RAPGEF1: variants seen among roughly 807,000 people sequenced by gnomAD.
The protein encoded by RAPGEF1 is CRK SH3-binding GNRP.
In RAPGEF1, 33 loss-of-function variants were observed where a neutral mutation model predicts 143.3. The observed-to-expected ratio is 0.23, with a 90% confidence interval of 0.17 to 0.31. The LOEUF is 0.31. Among genes scored for constraint, RAPGEF1 ranks in the 10% least tolerant of loss-of-function variants. The pLI, the probability that RAPGEF1 is intolerant of heterozygous loss-of-function variation, is 1.00. For missense variants in RAPGEF1, 1,199 were observed against 1,645.4 expected, an observed-to-expected ratio of 0.73 and a Z score of 4.69; for synonymous variants, 629 against 676.5, an observed-to-expected ratio of 0.93 and a Z score of 1.09.
chr9:131,626,543 G>C, intron 9 of RAPGEF1, 121 bp from the exon 10 acceptor site: 1 of 974,194 alleles, frequency 1.0e-6, no homozygotes, highest in Non-Finnish European at 1.5e-6. Context: ...CTGTCTCCAG[G>C]GCTTATTTTA....
intron 1 of RAPGEF1, among the ~76,000 whole-genome samples, chr9:131,726,088 G>C (rs1032866991): frequency 6.6e-6 from 1 of 151,964 alleles, no homozygotes; most frequent in Non-Finnish European, 1.5e-5. Context: ...TTGGTCCTGT[G>C]CCATCTTTGT....
chr9:131,590,689 G>A (rs1048254632), intron 18 of RAPGEF1, among the ~76,000 whole-genome samples: 5 of 152,228 alleles, frequency 3.3e-5, no homozygotes, highest in African/African-American at 1.2e-4. Flanking sequence ...GACCTTCCAA[G>A]TCATGGGGCT....
At chr9:131,648,227 TA>T (rs1221383184) in intron 3 of RAPGEF1, among the ~76,000 whole-genome samples, 2 of 151,866 alleles carry the variant, frequency 1.3e-5, no homozygotes, top group Admixed American at 6.6e-5. Flanking sequence ...CCATCTCTAC[TA>T]AAAAATACAA....
At chr9:131,731,792 G>A (rs889747412) in intron 1 of RAPGEF1, among the ~76,000 whole-genome samples, 1 of 152,198 alleles carries the variant, frequency 6.6e-6, no homozygotes, top group Admixed American at 6.5e-5. Context: ...ATGCAGTAAA[G>A]TCACTGTGTG....
chr9:131,670,373 C>T (rs931301364), intron 1 of RAPGEF1, among the ~76,000 whole-genome samples: 1 of 152,198 alleles, frequency 6.6e-6, no homozygotes, highest in Admixed American at 6.5e-5. Context: ...TGTCCCCACC[C>T]TCGCTTCTGA....
chr9:131,729,646 T>C lies in RAPGEF1; in HGVS notation c.61+10124A>G, dbSNP rs539442201. 3.9e-4 allele frequency among the ~76,000 whole-genome samples: 60 copies of C among 152,192 alleles called. No homozygotes were observed. In the East Asian group the frequency reaches 9.5e-3, roughly 24 times the overall value. ...CTAGACCCCAGGAAGGGGAGAGAAG[T>C]GAAACTCCAGTTCTCAGCAATACAC... On this transcript the variant is annotated intron_variant, in intron 1 of 26. Coordinates refer to ENST00000683357, the MANE Select transcript of RAPGEF1 (RefSeq NM_001377935.1).
chr9:131,721,806 C>T (rs1258013769), intron 1 of RAPGEF1, among the ~76,000 whole-genome samples: 1 of 152,090 alleles, frequency 6.6e-6, no homozygotes, highest in Non-Finnish European at 1.5e-5. Flanking sequence ...ATTTATATAG[C>T]ATTTCCACTG....
At position 131,587,929 on chromosome 9, in the gene RAPGEF1, G is replaced by A. The variant is rs773221718; in HGVS notation, c.3138+13C>T. 4.4e-6 allele frequency: 7 copies of A among 1,607,220 alleles called. No homozygotes were observed. The highest frequency in any genetic ancestry group is 3.4e-5 in the Admixed American group (2 of 58,978). On this transcript the variant is annotated intron_variant, in intron 21 of 26. Coordinates refer to ENST00000683357, the MANE Select transcript of RAPGEF1 (RefSeq NM_001377935.1). The stretch of plus-strand genomic sequence containing the variant: ...CAAACAGTGTGGCTCCCCCTGGCAG[G>A]AGCAGCCTGTACCTCTATTTTATAG...
chr9:131,593,906 C>A (rs188069193), intron 17 of RAPGEF1, among the ~76,000 whole-genome samples: 2 of 152,230 alleles, frequency 1.3e-5, no homozygotes, highest in Non-Finnish European at 2.9e-5. Context: ...CTGGCCTTTG[C>A]GGGTGCATCA....
At chr9:131,624,473 C>G (rs1480097636) in intron 10 of RAPGEF1, among the ~76,000 whole-genome samples, 3 of 152,222 alleles carry the variant, frequency 2.0e-5, no homozygotes, top group African/African-American at 7.2e-5. Flanking sequence ...CCCTCCCTTT[C>G]CTTCTCCCCT....
At chr9:131,671,232 G>A (rs1410333598) in intron 1 of RAPGEF1, among the ~76,000 whole-genome samples, 1 of 152,190 alleles carries the variant, frequency 6.6e-6, no homozygotes, top group Non-Finnish European at 1.5e-5. Flanking sequence ...AAGTCTCCTG[G>A]AATTGAAGTT....
At position 131,628,386 on chromosome 9, in the gene RAPGEF1, A is replaced by T. The variant is rs540572371; in HGVS notation, c.1017+163T>A. On this transcript the variant is annotated intron_variant, in intron 8 of 26. Transcript: ENST00000683357. The surrounding 1 kb of genome is among the most constrained non-coding windows in gnomAD (Gnocchi z 5.7). ...CCCTTATCCCCATATGGGAACTTGG[A>T]CCGTGTCCTGGAGAGAGAGGGATGG... 1.1e-4 allele frequency among the ~76,000 whole-genome samples: 17 copies of T among 152,212 alleles called. No homozygotes were observed. The South Asian group carries it at 3.3e-3, about 30-fold the overall frequency.
intron 10 of RAPGEF1, among the ~76,000 whole-genome samples, chr9:131,625,216 G>T (rs140600867): frequency 6.6e-6 from 1 of 152,342 alleles, no homozygotes; most frequent in Non-Finnish European, 1.5e-5. Flanking sequence ...TGCTAGTGAA[G>T]CAGGGAGAGG....
At chr9:131,580,435 G>C in intron 25 of RAPGEF1, 44 bp from the exon 26 acceptor site, 1 of 1,598,628 alleles carries the variant, frequency 6.3e-7, no homozygotes. Flanking sequence ...ACGGGGTTTG[G>C]AAGCAGCAAG....
chr9:131,633,364 T>C (rs939311679), intron 5 of RAPGEF1, among the ~76,000 whole-genome samples: 8 of 152,140 alleles, frequency 5.3e-5, no homozygotes, highest in Admixed American at 5.2e-4. Context: ...AAGAGGAGCA[T>C]CACGGCCTTA....
chr9:131,650,282 T>C lies in RAPGEF1; in HGVS notation c.202-40A>G. The C allele has an allele frequency of 6.6e-7, 1 of 1,518,030 alleles. No individual in the cohort carries two copies. The highest frequency in any genetic ancestry group is 9.1e-7 in the Non-Finnish European group (1 of 1,101,260). 94.0% of individuals were successfully genotyped at this position (1,518,030 alleles called of 1,614,324 possible). On this transcript the variant is annotated intron_variant, in intron 2 of 26. Coordinates refer to ENST00000683357, the MANE Select transcript of RAPGEF1 (RefSeq NM_001377935.1). This position sits in a 1 kb window ranked among gnomAD's most constrained non-coding sequence, Gnocchi z 4.7. ...ACCTGGATTCCTACAGAGTTTGAAA[T>C]GGCTGTTTGAGGCCGAAGGGAGGGG...
intron 3 of RAPGEF1, among the ~76,000 whole-genome samples, chr9:131,644,092 G>T (rs1968842923): frequency 6.6e-6 from 1 of 152,234 alleles, no homozygotes; most frequent in South Asian, 2.1e-4. Flanking sequence ...CATGCAGTGG[G>T]CGCTAGCAGC....
chr9:131,612,824 G>T (rs1958242743), intron 12 of RAPGEF1, among the ~76,000 whole-genome samples: 1 of 152,210 alleles, frequency 6.6e-6, no homozygotes, highest in African/African-American at 2.4e-5. Flanking sequence ...CTGCAGACAG[G>T]AACTACCTGG....
chr9:131,629,152 C>G lies in RAPGEF1; in HGVS notation c.843G>C (p.Glu281Asp). The change falls in exon 7 of 27, where the codon GAG becomes GAC. Residue 281 changes from glutamate to aspartate, a missense_variant. This residue lies in a region of RAPGEF1 where 613 missense variants were observed against 710.9 expected (regional missense o/e 0.86). Coordinates refer to ENST00000683357, the MANE Select transcript of RAPGEF1 (RefSeq NM_001377935.1). Reference sequence around the variant, plus strand: ...GCAGAGGAGGCTTGGGGGGCGCGACCTCTTCATCCGTGGCATCTGGGAGGA... The same window carrying G: ...GCAGAGGAGGCTTGGGGGGCGCGACGTCTTCATCCGTGGCATCTGGGAGGA... Reference protein sequence around the residue: ...TELLPDATDEEVAPPKPPLPG... With the variant: ...TELLPDATDEDVAPPKPPLPG... The G allele has an allele frequency of 3.1e-6, 5 of 1,614,018 alleles. No individual in the cohort carries two copies. The highest frequency in any genetic ancestry group is 4.2e-6 in the Non-Finnish European group (5 of 1,179,890).
Sources: allele counts gnomAD v4.1 joint callset (sites outside exome capture counted in the v4.1 genomes callset), GRCh38; gene constraint gnomAD v4.1.1; regional missense constraint gnomAD v4.1.1; non-coding constraint Gnocchi (gnomAD v3.1); transcripts MANE v1.5; gene names NCBI Gene and HGNC (gene_info 2026-07-23, HGNC 2026-07-21).